Variants in MAST2 observed in about 807,000 individuals in gnomAD.
MAST2 encodes microtubule associated serine/threonine kinase 2, also known as microtubule-associated serine/threonine-protein kinase 2.
A neutral mutation model predicts 147.4 loss-of-function variants in MAST2; 70 were observed. That is an observed-to-expected ratio of 0.47 (90% CI 0.39 to 0.58). MAST2 has a LOEUF of 0.58. Ranked by LOEUF, MAST2 falls within the 20% of genes least tolerant of loss-of-function variation. The probability of loss-of-function intolerance (pLI) is 0.00; values close to 1 mark genes in which losing one functional copy is unlikely to be tolerated. For synonymous variants in MAST2, 869 were observed against 896.8 expected (o/e 0.97, Z 0.55); for missense variants, 2,080 against 2,302.3 (o/e 0.90, Z 1.98).
At chr1:45,921,177 G>A (rs1653407750) in intron 4 of MAST2, among the ~76,000 whole-genome samples, 1 of 152,120 alleles carries the variant, frequency 6.6e-6, no homozygotes, top group African/African-American at 2.4e-5. Context: ...TGTATTTTTA[G>A]TAGAGACGGG....
At chr1:45,999,217 C>T (rs942319889) in intron 6 of MAST2, among the ~76,000 whole-genome samples, 1 of 152,168 alleles carries the variant, frequency 6.6e-6, no homozygotes, top group Admixed American at 6.5e-5. Context: ...CTCCTTCAAC[C>T]CACTTACCTT....
intron 5 of MAST2, among the ~76,000 whole-genome samples, chr1:45,981,147 C>T (rs1644392453): frequency 6.6e-6 from 1 of 152,016 alleles, no homozygotes; most frequent in African/African-American, 2.4e-5. Flanking sequence ...TCTCGGCTCA[C>T]TACAACCTCT....
At chr1:45,904,115 C>T (rs779017887) in intron 4 of MAST2, among the ~76,000 whole-genome samples, 24 of 152,104 alleles carry the variant, frequency 1.6e-4, no homozygotes, top group Non-Finnish European at 3.2e-4. Flanking sequence ...ATCCTCCCAC[C>T]TCAGCCTCCC....
intron 1 of MAST2, among the ~76,000 whole-genome samples, chr1:45,818,070 T>C (rs560105609): frequency 1.3e-5 from 2 of 152,308 alleles, no homozygotes; most frequent in South Asian, 2.1e-4. Flanking sequence ...TAGGTGAATA[T>C]GGCGGGAGGG....
intron 1 of MAST2, among the ~76,000 whole-genome samples, chr1:45,809,114 A>G (rs1487406180): frequency 6.6e-6 from 1 of 152,184 alleles, no homozygotes; most frequent in Admixed American, 6.5e-5. Flanking sequence ...TATTTGCTCA[A>G]TGTCCTAATT....
At chr1:45,827,227 A>G (rs986248266) in intron 2 of MAST2, among the ~76,000 whole-genome samples, 1 of 152,212 alleles carries the variant, frequency 6.6e-6, no homozygotes, top group African/African-American at 2.4e-5. Context: ...TGTTTTATGC[A>G]TTAGCCTCTT....
At chr1:45,891,108 A>G (rs1309585275) in intron 4 of MAST2, among the ~76,000 whole-genome samples, 1 of 152,182 alleles carries the variant, frequency 6.6e-6, no homozygotes, top group African/African-American at 2.4e-5. Flanking sequence ...TAAATGTATT[A>G]TTTATTATAA....
chr1:45,946,133 T>C (rs888352472), intron 4 of MAST2, among the ~76,000 whole-genome samples: 2 of 152,244 alleles, frequency 1.3e-5, no homozygotes, highest in African/African-American at 2.4e-5. Flanking sequence ...ACTGGAAATA[T>C]AGGCATGCCT....
At chr1:45,878,015 C>G (rs571405143) in intron 3 of MAST2, among the ~76,000 whole-genome samples, 2 of 152,144 alleles carry the variant, frequency 1.3e-5, no homozygotes, top group African/African-American at 4.8e-5. Flanking sequence ...ACCAGCCTGG[C>G]TAACATGGTG....
chr1:45,932,528 C>A (rs964974048), intron 4 of MAST2, among the ~76,000 whole-genome samples: 2 of 152,034 alleles, frequency 1.3e-5, no homozygotes, highest in Admixed American at 1.3e-4. Flanking sequence ...GCAAAACTAG[C>A]CAGGCGTGGT....
chr1:45,845,970 C>T (rs1015034755), intron 3 of MAST2, among the ~76,000 whole-genome samples: 3 of 152,110 alleles, frequency 2.0e-5, no homozygotes, highest in Non-Finnish European at 4.4e-5. Context: ...CTGTGTTAGC[C>T]AGGGTGGTCT....
At chr1:45,997,203 C>G (rs753959289) in intron 5 of MAST2, among the ~76,000 whole-genome samples, 2 of 152,124 alleles carry the variant, frequency 1.3e-5, no homozygotes, top group Non-Finnish European at 2.9e-5. Flanking sequence ...GCCTTGATTA[C>G]GAACTATCTT....
Position 45,862,788 on chromosome 1 carries a change from C to T in MAST2, c.469-19576C>T, listed in dbSNP as rs555771818. Among the ~76,000 whole-genome samples, 10 of 152,200 alleles carry T rather than the reference C, an allele frequency of 6.6e-5. 1 individual carries two copies. In the South Asian group the frequency reaches 1.0e-3, roughly 16 times the overall value. ...TTGAAGATTTTTAAGCTGTGTACAA[C>T]GTTTTGGGAAAGGAAACCTGTCTTG... On this transcript the variant is annotated intron_variant, in intron 3 of 28. Coordinates refer to ENST00000361297, the MANE Select transcript of MAST2 (RefSeq NM_015112.3).
At chr1:45,917,382 T>C in intron 4 of MAST2, 1 of 1,366,538 alleles carries the variant, frequency 7.3e-7, no homozygotes, top group South Asian at 1.1e-5. Context: ...CCAGCACATG[T>C]TTTCACCCAC....
chr1:45,829,924 A>T (rs61783199), intron 3 of MAST2, among the ~76,000 whole-genome samples: 1 of 150,912 alleles, frequency 6.6e-6, no homozygotes, highest in African/African-American at 2.4e-5. Context: ...CTGGAGTGCA[A>T]TGATGTGATC....
chr1:45,852,817 T>TGGTC (rs34209473), intron 3 of MAST2, among the ~76,000 whole-genome samples: 67,205 of 151,548 alleles, frequency 0.44, 15,050 homozygotes, highest in East Asian at 0.62. Flanking sequence ...TTCCATTGTA[T>TGGTC]GGTCACACAT....
intron 10 of MAST2, among the ~76,000 whole-genome samples, chr1:46,018,578 C>T (rs1300538425): frequency 2.0e-5 from 3 of 152,178 alleles, no homozygotes; most frequent in Non-Finnish European, 4.4e-5. Context: ...TTCATTCTTC[C>T]TTTTTCTGTA....
intron 4 of MAST2, among the ~76,000 whole-genome samples, chr1:45,904,482 T>G (rs1410274875): frequency 1.3e-5 from 2 of 149,226 alleles, no homozygotes; most frequent in South Asian, 2.1e-4. Flanking sequence ...CCTTAAATTT[T>G]TTTTAGGCAG....
chr1:45,970,707 A>T (rs1643882934), intron 5 of MAST2, among the ~76,000 whole-genome samples: 1 of 147,388 alleles, frequency 6.8e-6, no homozygotes, highest in South Asian at 2.1e-4. Context: ...TGCTCTGGTA[A>T]GTTGTACCTC....
Sources: allele counts gnomAD v4.1 joint callset (sites outside exome capture counted in the v4.1 genomes callset), GRCh38; gene constraint gnomAD v4.1.1; transcripts MANE v1.5; gene names NCBI Gene and HGNC (gene_info 2026-07-23, HGNC 2026-07-21).